The following EPHA6 variants were observed in gnomAD, a reference collection of about 807,000 sequenced individuals.
EPHA6 encodes the protein EPH receptor A6.
In EPHA6, 50 loss-of-function variants were observed where a neutral mutation model predicts 112.0. That is an observed-to-expected ratio of 0.45 (90% CI 0.36 to 0.56). EPHA6 has a LOEUF of 0.56. EPHA6 is among the 20% of genes least tolerant of loss of function. The pLI, the probability that EPHA6 is intolerant of heterozygous loss-of-function variation, is 0.00. For missense variants in EPHA6, 1,280 were observed against 1,417.4 expected (o/e 0.90, Z 1.56); for synonymous variants, 529 against 490.7 (o/e 1.08, Z -1.03).
intron 3 of EPHA6, among the ~76,000 whole-genome samples, chr3:97,038,796 CG>C (rs1442090480): frequency 6.6e-6 from 1 of 151,256 alleles, no homozygotes; most frequent in African/African-American, 2.5e-5. Flanking sequence ...AATTGTGAGT[CG>C]GGGGGAAATG....
Position 97,752,506 on chromosome 3 carries a change from C to T in EPHA6, c.*3805C>T. 1 of 220,184 alleles carries T rather than the reference C, an allele frequency of 4.5e-6. No individual in the cohort carries two copies. The highest frequency in any genetic ancestry group is 6.6e-5 in the East Asian group (1 of 15,074). 13.6% of individuals were successfully genotyped at this position (220,184 alleles called of 1,614,324 possible). A position where few individuals can be genotyped will look rare whatever the true frequency, so the allele number is the denominator to read the frequency against. ...CCCCATCCTCTCTCTTTATTCCTTT[C>T]TCAGCTTCTATCACGCCACACATTA... On this transcript the variant is annotated 3_prime_UTR_variant, in exon 18 of 18. Coordinates refer to ENST00000389672, the MANE Select transcript of EPHA6 (RefSeq NM_001080448.3).
rs76733692 is a variant in EPHA6, at chr3:97,616,679, C to G, written c.2574+5825C>G. Among the ~76,000 whole-genome samples, 1,265 of 152,032 alleles carry G rather than the reference C, an allele frequency of 8.3e-3. 17 individuals carry two copies. The highest frequency in any genetic ancestry group is 0.029 in the African/African-American group (1,205 of 41,478). On this transcript the variant is annotated intron_variant, in intron 13 of 17. Coordinates refer to ENST00000389672, the MANE Select transcript of EPHA6 (RefSeq NM_001080448.3). ...GAATAGACCAAATAGAGGGAAGAAT[C>G]TCAGAACTTAAAGTTTGGGTTTCTG...
At chr3:97,661,880 G>A (rs1488727854) in intron 14 of EPHA6, among the ~76,000 whole-genome samples, 2 of 152,154 alleles carry the variant, frequency 1.3e-5, no homozygotes, top group African/African-American at 4.8e-5. Context: ...TATACAAAGT[G>A]CATGATTGGC....
intron 14 of EPHA6, among the ~76,000 whole-genome samples, chr3:97,711,956 C>T (rs970576205): frequency 3.9e-5 from 6 of 152,128 alleles, no homozygotes; most frequent in Non-Finnish European, 8.8e-5. Flanking sequence ...AGTACCCACT[C>T]TTTAATGTTA....
At chr3:97,133,412 C>G (rs1170839324) in intron 3 of EPHA6, among the ~76,000 whole-genome samples, 1 of 151,956 alleles carries the variant, frequency 6.6e-6, no homozygotes, top group Admixed American at 6.6e-5. Context: ...ATTTTGTTCA[C>G]ATATGCTTTG....
chr3:97,642,874 T>A (rs1370580171), intron 14 of EPHA6, among the ~76,000 whole-genome samples: 1 of 26,884 alleles, frequency 3.7e-5, no homozygotes, highest in Non-Finnish European at 7.5e-5. Flanking sequence ...CTGCAGGATA[T>A]TATCCAGGAG....
intron 1 of EPHA6, among the ~76,000 whole-genome samples, chr3:96,830,374 A>G (rs1413679679): frequency 6.6e-6 from 1 of 152,146 alleles, no homozygotes; most frequent in African/African-American, 2.4e-5. Flanking sequence ...AAAAAAAGAA[A>G]ATACCAAATA....
At chr3:96,868,183 A>C (rs867831834) in intron 2 of EPHA6, among the ~76,000 whole-genome samples, 13 of 143,424 alleles carry the variant, frequency 9.1e-5, no homozygotes, top group South Asian at 8.5e-4. Flanking sequence ...TGTGAGAGAG[A>C]GAGAGACAGA....
chr3:97,170,346 C>T (rs2076664676), intron 3 of EPHA6, among the ~76,000 whole-genome samples: 1 of 152,084 alleles, frequency 6.6e-6, no homozygotes, highest in Non-Finnish European at 1.5e-5. Flanking sequence ...TATGAAGCTG[C>T]TTTTAATACC....
intron 5 of EPHA6, among the ~76,000 whole-genome samples, chr3:97,271,364 T>G (rs1257593253): frequency 6.6e-6 from 1 of 152,260 alleles, no homozygotes; most frequent in African/African-American, 2.4e-5. Context: ...CTCTTCAAAT[T>G]CCTTTAATTT....
intron 3 of EPHA6, among the ~76,000 whole-genome samples, chr3:97,171,714 T>C (rs1043802574): frequency 9.2e-5 from 14 of 151,852 alleles, no homozygotes; most frequent in African/African-American, 3.4e-4. Flanking sequence ...AATGATTAGT[T>C]CAATTAGAGA....
chr3:97,102,824 A>T (rs2047444963), intron 3 of EPHA6, among the ~76,000 whole-genome samples: 1 of 151,492 alleles, frequency 6.6e-6, no homozygotes, highest in African/African-American at 2.4e-5. Context: ...AGCCATTCTG[A>T]CTCATGTGAG....
intron 1 of EPHA6, among the ~76,000 whole-genome samples, chr3:96,833,755 T>G (rs914945750): frequency 6.6e-6 from 1 of 152,152 alleles, no homozygotes; most frequent in African/African-American, 2.4e-5. Flanking sequence ...CCTTCAAAAC[T>G]AACTGCATTT....
intron 14 of EPHA6, among the ~76,000 whole-genome samples, chr3:97,699,236 G>A (rs2033224189): frequency 6.6e-6 from 1 of 152,152 alleles, no homozygotes; most frequent in African/African-American, 2.4e-5. Context: ...CCCTCTTGGT[G>A]ATAAAGAATA....
chr3:97,704,294 G>A (rs367683835), intron 14 of EPHA6, among the ~76,000 whole-genome samples: 1 of 152,156 alleles, frequency 6.6e-6, no homozygotes, highest in African/African-American at 2.4e-5. Context: ...AAGAAGATCT[G>A]CCCTCATCAA....
intron 14 of EPHA6, among the ~76,000 whole-genome samples, chr3:97,673,696 C>A (rs1249195432): frequency 6.6e-6 from 1 of 152,168 alleles, no homozygotes; most frequent in Non-Finnish European, 1.5e-5. Flanking sequence ...ATAAACTGGG[C>A]CATTGACCAA....
At chr3:97,397,453 T>C (rs765735566) in intron 5 of EPHA6, among the ~76,000 whole-genome samples, 1 of 151,662 alleles carries the variant, frequency 6.6e-6, no homozygotes, top group African/African-American at 2.4e-5. Flanking sequence ...AGCTTTCATA[T>C]ATGGAAGCCT....
intron 3 of EPHA6, among the ~76,000 whole-genome samples, chr3:97,211,157 T>C (rs1042978622): frequency 2.0e-5 from 3 of 152,214 alleles, no homozygotes; most frequent in Admixed American, 6.5e-5. Flanking sequence ...CTAACAGTTT[T>C]GTGCAATGAG....
At chr3:97,551,237 T>G (rs1034312190) in intron 11 of EPHA6, among the ~76,000 whole-genome samples, 6 of 152,186 alleles carry the variant, frequency 3.9e-5, no homozygotes, top group Non-Finnish European at 2.9e-5. Context: ...TATCTTGTAT[T>G]TTATGGCATT....
Sources: gnomAD v4.1 joint callset for allele counts (sites outside exome capture counted in the v4.1 genomes callset) on GRCh38, gnomAD v4.1.1 for gene constraint, MANE v1.5 for transcripts, NCBI Gene and HGNC (gene_info 2026-07-23, HGNC 2026-07-21) for gene names.